Variants in MLLT10 observed in about 807,000 individuals in gnomAD.
MLLT10 encodes protein AF-10.
Under a neutral mutation model 129.1 loss-of-function variants are expected in MLLT10, and 30 were observed. That is an observed-to-expected ratio of 0.23 (90% CI 0.17 to 0.32). The LOEUF is 0.32. MLLT10 is among the 10% of genes least tolerant of loss of function. MLLT10 has a pLI of 1.00. For synonymous variants in MLLT10, 490 were observed against 446.4 expected (o/e 1.10, Z -1.23); for missense variants, 1,119 against 1,268.3 (o/e 0.88, Z 1.79).
chr10:21,652,291 C>G (rs988827182), intron 9 of MLLT10, among the ~76,000 whole-genome samples: 7 of 152,140 alleles, frequency 4.6e-5, no homozygotes. Context: ...GTAAGGATAA[C>G]AAGTGGGAAC....
At chr10:21,560,645 A>C (rs2038687767) in intron 3 of MLLT10, among the ~76,000 whole-genome samples, 1 of 151,964 alleles carries the variant, frequency 6.6e-6, no homozygotes, top group African/African-American at 2.4e-5. Flanking sequence ...AGGTAGCTTC[A>C]CTATGTTGTC....
chr10:21,575,934 G>GT lies in MLLT10; in HGVS notation c.241-10352dup, dbSNP rs200486630. On this transcript the variant is annotated intron_variant, in intron 3 of 22. Coordinates refer to ENST00000307729, the MANE Select transcript of MLLT10 (RefSeq NM_001195626.3). ...TTTTTTTCTTGTTGTTTGTTTGTTT[G>GT]TTTTTTTTATGAGATGAGGTTTTAC... Among the ~76,000 whole-genome samples the GT allele has an allele frequency of 2.2e-4, 34 of 151,246 alleles. No homozygotes were observed. In the East Asian group the frequency reaches 4.3e-3, roughly 19 times the overall value.
chr10:21,588,995 T>C (rs1276214226), intron 4 of MLLT10, among the ~76,000 whole-genome samples: 2 of 152,028 alleles, frequency 1.3e-5, no homozygotes, highest in Non-Finnish European at 2.9e-5. Context: ...AGCTGATTTT[T>C]TTATTTTTAG....
At chr10:21,565,428 C>T (rs1365803472) in intron 3 of MLLT10, among the ~76,000 whole-genome samples, 1 of 152,068 alleles carries the variant, frequency 6.6e-6, no homozygotes, top group Non-Finnish European at 1.5e-5. Flanking sequence ...CTGCCTCAGC[C>T]TCTCGAGTAG....
At chr10:21,641,931 A>AT (rs1039281837) in intron 8 of MLLT10, among the ~76,000 whole-genome samples, 6 of 152,134 alleles carry the variant, frequency 3.9e-5, no homozygotes, top group African/African-American at 7.2e-5. Flanking sequence ...CTTTCATGTG[A>AT]TTTTTTTGGC....
chr10:21,668,759 C>G (rs2131369247), intron 9 of MLLT10, among the ~76,000 whole-genome samples: 2 of 152,186 alleles, frequency 1.3e-5, no homozygotes, highest in South Asian at 4.1e-4. Flanking sequence ...GGAAAAATGA[C>G]CATCTCTAAT....
chr10:21,561,905 A>G (rs2038860218), intron 3 of MLLT10, among the ~76,000 whole-genome samples: 1 of 151,238 alleles, frequency 6.6e-6, no homozygotes, highest in Admixed American at 6.6e-5. Context: ...TCCTGGGTTC[A>G]AGCAATTCTC....
chr10:21,675,911 G>A (rs1187912916), intron 11 of MLLT10, among the ~76,000 whole-genome samples: 1 of 152,108 alleles, frequency 6.6e-6, no homozygotes, highest in East Asian at 1.9e-4. Flanking sequence ...TTACAGATTT[G>A]GGGAGATGTT....
chr10:21,739,937 T>G (rs2058694244), intron 21 of MLLT10, 93 bp from the exon 22 acceptor site: 1 of 962,600 alleles, frequency 1.0e-6, no homozygotes, highest in Non-Finnish European at 1.5e-6. Flanking sequence ...TGCAAATATC[T>G]AATATTAAAG....
intron 3 of MLLT10, among the ~76,000 whole-genome samples, chr10:21,559,653 G>A (rs1387861860): frequency 7.2e-5 from 11 of 152,052 alleles, no homozygotes; most frequent in Non-Finnish European, 1.6e-4. Flanking sequence ...GGTAACTTCT[G>A]TTTTCTTTCA....
In MLLT10 at chr10:21,717,073, G is replaced by A. The variant is rs2056619611; in HGVS notation, c.1878+3123G>A. On this transcript the variant is annotated intron_variant, in intron 14 of 22. Coordinates refer to ENST00000307729, the MANE Select transcript of MLLT10 (RefSeq NM_001195626.3). ...GGAGTTCGAGACCAGCCTCAACATG[G>A]AGAAACCCCATCTCTACTAAAAATA... Among the ~76,000 whole-genome samples, 3 of 151,804 alleles carry A rather than the reference G, an allele frequency of 2.0e-5. No individual in the cohort carries two copies. The South Asian group carries it at 6.3e-4, about 32-fold the overall frequency.
intron 5 of MLLT10, among the ~76,000 whole-genome samples, chr10:21,603,639 C>T (rs1019694056): frequency 6.6e-6 from 1 of 152,048 alleles, no homozygotes; most frequent in Non-Finnish European, 1.5e-5. Flanking sequence ...AGTAGGGCTG[C>T]TGTAACAAAA....
chr10:21,696,212 AT>A (rs144057225), intron 13 of MLLT10, among the ~76,000 whole-genome samples: 59 of 148,174 alleles, frequency 4.0e-4, no homozygotes, highest in African/African-American at 1.3e-3. Context: ...GATTATTATT[AT>A]TTTTTTTTTG....
At chr10:21,660,751 G>A (rs7087491) in intron 9 of MLLT10, among the ~76,000 whole-genome samples, 6,255 of 149,318 alleles carry the variant, frequency 0.042, 156 homozygotes, top group Non-Finnish European at 0.061. Context: ...CCGGACGCCT[G>A]TAATCCCAGC....
chr10:21,644,674 C>T (rs931874560), intron 8 of MLLT10, among the ~76,000 whole-genome samples: 4 of 152,154 alleles, frequency 2.6e-5, no homozygotes. Flanking sequence ...CACGGTCTCA[C>T]TCTGTCCCCC....
intron 17 of MLLT10, 50 bp from the exon 18 acceptor site, chr10:21,732,849 G>A (rs747555352): frequency 2.7e-6 from 4 of 1,498,414 alleles, no homozygotes; most frequent in Non-Finnish European, 9.1e-7. Flanking sequence ...AAAATACTTA[G>A]TCTTATGTGT....
At chr10:21,665,499 G>A (rs1159650037) in intron 9 of MLLT10, among the ~76,000 whole-genome samples, 1 of 151,762 alleles carries the variant, frequency 6.6e-6, no homozygotes, top group Admixed American at 6.6e-5. Flanking sequence ...TGTTGGTCAG[G>A]CTGATCTCCA....
chr10:21,586,019 C>T (rs1332797442), intron 3 of MLLT10, among the ~76,000 whole-genome samples: 1 of 152,162 alleles, frequency 6.6e-6, no homozygotes, highest in African/African-American at 2.4e-5. Context: ...CCTCAGCCTC[C>T]CAAAGTTCTA....
chr10:21,577,668 A>G (rs2040929293), intron 3 of MLLT10, among the ~76,000 whole-genome samples: 1 of 151,798 alleles, frequency 6.6e-6, no homozygotes, highest in Non-Finnish European at 1.5e-5. Flanking sequence ...ATGGGGTTTC[A>G]CTATATTGGC....
Sources: gnomAD v4.1 joint callset for allele counts (sites outside exome capture counted in the v4.1 genomes callset) on GRCh38, gnomAD v4.1.1 for gene constraint, MANE v1.5 for transcripts, NCBI Gene and HGNC (gene_info 2026-07-23, HGNC 2026-07-21) for gene names.